The following HMCN1 variants were observed in gnomAD, a reference collection of about 807,000 sequenced individuals.
HMCN1 encodes the protein hemicentin 1.
A neutral mutation model predicts 625.9 loss-of-function variants in HMCN1; 321 were observed. That is an observed-to-expected ratio of 0.51 (90% CI 0.47 to 0.56). The LOEUF (loss-of-function observed/expected upper bound fraction) is 0.56, where lower values mean the gene tolerates loss of function less well. HMCN1 is among the 20% of genes least tolerant of loss of function. The pLI is 0.00. For missense variants in HMCN1, 6,588 were observed against 6,887.3 expected (o/e 0.96, Z 1.54); for synonymous variants, 2,425 against 2,417.6 (o/e 1.00, Z -0.09).
intron 100 of HMCN1, among the ~76,000 whole-genome samples, chr1:186,169,703 C>G (rs541972951): frequency 9.9e-5 from 15 of 152,192 alleles, no homozygotes; most frequent in Non-Finnish European, 1.8e-4. Context: ...CAGACTTAAA[C>G]GTAAGACCTA....
At chr1:185,745,618 T>A (rs971591862) in intron 1 of HMCN1, among the ~76,000 whole-genome samples, 3 of 152,216 alleles carry the variant, frequency 2.0e-5, no homozygotes, top group African/African-American at 7.2e-5. Flanking sequence ...TCGTTTAAAA[T>A]ATTCTGACAG....
chr1:185,778,858 C>T (rs1557960842), intron 1 of HMCN1, among the ~76,000 whole-genome samples: 1 of 152,148 alleles, frequency 6.6e-6, no homozygotes, highest in African/African-American at 2.4e-5. Flanking sequence ...TGGGTATATA[C>T]CCAGTAATGG....
intron 2 of HMCN1, among the ~76,000 whole-genome samples, chr1:185,846,749 C>T (rs960816817): frequency 6.6e-6 from 1 of 152,126 alleles, no homozygotes; most frequent in Non-Finnish European, 1.5e-5. Context: ...TTCATTTTGG[C>T]GATCGGTACC....
chr1:185,962,265 G>A (rs1650075798), intron 11 of HMCN1, among the ~76,000 whole-genome samples: 1 of 152,148 alleles, frequency 6.6e-6, no homozygotes, highest in South Asian at 2.1e-4. Context: ...AAGCCAGCAA[G>A]GGGCTTCATG....
At chr1:185,893,161 G>T (rs1268924229) in intron 4 of HMCN1, among the ~76,000 whole-genome samples, 2 of 152,202 alleles carry the variant, frequency 1.3e-5, no homozygotes, top group Non-Finnish European at 2.9e-5. Context: ...GCCTCGCCCT[G>T]CTTCGGCTCA....
Position 186,065,321 on chromosome 1 carries a change from C to T in HMCN1, c.7597C>T (p.Arg2533Cys), listed in dbSNP as rs954780457. The T allele has an allele frequency of 1.4e-5, 23 of 1,612,406 alleles. No individual in the cohort carries two copies. Among genetic ancestry groups the T allele is most frequent in the Non-Finnish European group, 1.9e-5 (22 of 1,179,708 alleles). ...AGCCCATCACATTATATCTGGTGGC[C>T]GTTTTCTTCAAATTACCAATGTCCA... ...DEAHHIISGG[R>C]FLQITNVQVP... The change falls in exon 49 of 107, where the codon CGT becomes TGT. Residue 2533 changes from arginine to cysteine, a missense_variant. Arg to Cys is a radical substitution (Grantham distance 180, BLOSUM62 -3). This residue lies in a region of HMCN1 where 4,628 missense variants were observed against 4,853.1 expected (regional missense o/e 0.95). Coordinates refer to ENST00000271588, the MANE Select transcript of HMCN1 (RefSeq NM_031935.3).
At chr1:186,109,876 T>C (rs1167980906) in intron 71 of HMCN1, among the ~76,000 whole-genome samples, 1 of 152,218 alleles carries the variant, frequency 6.6e-6, no homozygotes, top group East Asian at 1.9e-4. Flanking sequence ...AGCCCTTTCA[T>C]GCTCTGACTT....
At chr1:186,160,988 G>A (rs1319400135) in intron 97 of HMCN1, among the ~76,000 whole-genome samples, 4 of 152,108 alleles carry the variant, frequency 2.6e-5, no homozygotes, top group African/African-American at 9.7e-5. Context: ...TTGACTTTCT[G>A]TCTCGTTGAT....
intron 36 of HMCN1, among the ~76,000 whole-genome samples, chr1:186,035,276 A>G (rs888272538): frequency 1.3e-5 from 2 of 152,198 alleles, no homozygotes; most frequent in Non-Finnish European, 2.9e-5. Flanking sequence ...TAAGAGTGAT[A>G]GAGGGGTGGT....
intron 11 of HMCN1, among the ~76,000 whole-genome samples, chr1:185,934,033 A>G (rs1016670272): frequency 1.3e-5 from 2 of 152,206 alleles, no homozygotes; most frequent in Admixed American, 6.5e-5. Context: ...CTTTAATACA[A>G]TCACAGCTAA....
chr1:185,735,018 A>C lies in HMCN1; in HGVS notation c.239A>C (p.Asn80Thr). The C allele has an allele frequency of 6.2e-7, 1 of 1,614,124 alleles. No individual in the cohort carries two copies. The highest frequency in any genetic ancestry group is 8.5e-7 in the Non-Finnish European group (1 of 1,180,014). ...AAAAGACCTAAAAGACCTCTTTTCA[A>C]CTTTGCGTTGGTGCCTTTCCATGAT... ...SLKRPKRPLF[N>T]FALVPFHDPE... is the part of the protein sequence containing the mutation. Residue 80 changes from asparagine (N) to threonine (T), a missense_variant, in exon 1 of 107, where the codon AAC becomes ACC. Transcript: ENST00000271588.
intron 31 of HMCN1, 94 bp downstream of exon 31, chr1:186,015,531 T>A (rs528781063): frequency 7.9e-7 from 1 of 1,263,594 alleles, no homozygotes; most frequent in African/African-American, 1.5e-5. Flanking sequence ...CCTTGGTGGG[T>A]TTGTCTTTTT....
At chr1:185,741,097 A>G (rs1653966337) in intron 1 of HMCN1, among the ~76,000 whole-genome samples, 4 of 152,104 alleles carry the variant, frequency 2.6e-5, no homozygotes, top group Admixed American at 6.5e-5. Flanking sequence ...TCTCTTTGCA[A>G]TGCCCCACCT....
At chr1:185,800,541 G>A (rs1373158114) in intron 1 of HMCN1, among the ~76,000 whole-genome samples, 1 of 151,750 alleles carries the variant, frequency 6.6e-6, no homozygotes, top group African/African-American at 2.4e-5. Flanking sequence ...TATTTTACAG[G>A]TTGTTTTGAA....
chr1:185,843,232 C>T (rs1182683310), intron 1 of HMCN1, among the ~76,000 whole-genome samples: 1 of 152,088 alleles, frequency 6.6e-6, no homozygotes, highest in Non-Finnish European at 1.5e-5. Flanking sequence ...ACAATGTTAT[C>T]AGGACGACAG....
At chr1:186,119,666 T>A in intron 78 of HMCN1, 79 bp from the exon 79 acceptor site, 1 of 1,433,428 alleles carries the variant, frequency 7.0e-7, no homozygotes, top group Non-Finnish European at 9.8e-7. Flanking sequence ...AATTTGGGTA[T>A]TTTTAAGCTC....
intron 6 of HMCN1, among the ~76,000 whole-genome samples, chr1:185,921,240 C>T (rs1666991681): frequency 1.3e-5 from 2 of 152,150 alleles, no homozygotes; most frequent in South Asian, 4.1e-4. Flanking sequence ...CAACAGCTTT[C>T]ATGATGATGG....
At chr1:185,993,499 C>G in intron 23 of HMCN1, 190 bp downstream of exon 23, 1 of 571,594 alleles carries the variant, frequency 1.7e-6, no homozygotes, top group South Asian at 2.0e-5. Flanking sequence ...TATAAACAAT[C>G]TTCTGTTTCT....
chr1:185,787,630 T>G (rs901929402), intron 1 of HMCN1, among the ~76,000 whole-genome samples: 4 of 151,014 alleles, frequency 2.6e-5, no homozygotes, highest in African/African-American at 9.9e-5. Flanking sequence ...CAAGTCCTTA[T>G]GCTCTTTATG....
Sources: allele counts gnomAD v4.1 joint callset (sites outside exome capture counted in the v4.1 genomes callset), GRCh38; gene constraint gnomAD v4.1.1; regional missense constraint gnomAD v4.1.1; transcripts MANE v1.5; gene names NCBI Gene and HGNC (gene_info 2026-07-23, HGNC 2026-07-21).